SLC4A4: variants seen among roughly 807,000 people sequenced by gnomAD.
SLC4A4 encodes solute carrier family 4 member 4.
In SLC4A4, 27 loss-of-function variants were observed where a neutral mutation model predicts 111.5. That is an observed-to-expected ratio of 0.24 (90% CI 0.18 to 0.33). The LOEUF is 0.33. SLC4A4 is among the 10% of genes least tolerant of loss of function. The pLI is 1.00. For synonymous variants in SLC4A4, 443 were observed against 463.4 expected (o/e 0.96, Z 0.57); for missense variants, 909 against 1,315.5 (o/e 0.69, Z 4.78).
intron 1 of SLC4A4, among the ~76,000 whole-genome samples, chr4:71,220,032 A>G (rs1389802859): frequency 6.6e-6 from 1 of 152,264 alleles, no homozygotes; most frequent in African/African-American, 2.4e-5. Flanking sequence ...AGAATATTAC[A>G]TAAACCTAGT....
At chr4:71,482,841 GA>G (rs1487608832) in intron 14 of SLC4A4, among the ~76,000 whole-genome samples, 3 of 151,558 alleles carry the variant, frequency 2.0e-5, no homozygotes, top group Non-Finnish European at 4.4e-5. Context: ...TTGATGGTTA[GA>G]AATGCTGTGT....
At chr4:71,087,894 G>A (rs1234821832) in intron 1 of SLC4A4, among the ~76,000 whole-genome samples, 5 of 151,978 alleles carry the variant, frequency 3.3e-5, no homozygotes, top group Non-Finnish European at 7.3e-5. Context: ...GATTTGGGGT[G>A]GAGAGTTCTG....
chr4:71,448,086 G>A (rs976406673), intron 9 of SLC4A4, among the ~76,000 whole-genome samples: 23 of 152,116 alleles, frequency 1.5e-4, no homozygotes, highest in Non-Finnish European at 2.9e-5. Context: ...TTGAGAGGTC[G>A]AGGTGGGCAG....
chr4:71,196,849 A>G (rs1412929069), intron 1 of SLC4A4, among the ~76,000 whole-genome samples: 1 of 111,428 alleles, frequency 9.0e-6, no homozygotes, highest in Non-Finnish European at 1.8e-5. Flanking sequence ...AAAAAAAAAA[A>G]AAAAAAAAAA....
chr4:71,388,218 G>A (rs1010119791), intron 6 of SLC4A4, among the ~76,000 whole-genome samples: 4 of 152,048 alleles, frequency 2.6e-5, no homozygotes, highest in Non-Finnish European at 5.9e-5. Flanking sequence ...TTTGGGGAGG[G>A]AATAATATTT....
At chr4:71,311,711 C>G (rs1320473705) in intron 3 of SLC4A4, among the ~76,000 whole-genome samples, 1 of 152,068 alleles carries the variant, frequency 6.6e-6, no homozygotes, top group African/African-American at 2.4e-5. Flanking sequence ...TTATAGCACT[C>G]AATGCCCAAA....
intron 2 of SLC4A4, among the ~76,000 whole-genome samples, chr4:71,131,143 G>A (rs987008612): frequency 2.4e-4 from 36 of 152,160 alleles, no homozygotes; most frequent in Admixed American, 1.3e-3. Flanking sequence ...TAACAACGGC[G>A]GATGGGAGAG....
intron 14 of SLC4A4, among the ~76,000 whole-genome samples, chr4:71,485,228 C>T (rs1250174130): frequency 3.3e-5 from 5 of 151,158 alleles, no homozygotes; most frequent in Admixed American, 2.6e-4. Flanking sequence ...GTTTTCAATG[C>T]TTCCAAGTTT....
intron 3 of SLC4A4, among the ~76,000 whole-genome samples, chr4:71,283,943 C>G (rs894121053): frequency 1.3e-5 from 2 of 152,194 alleles, no homozygotes; most frequent in African/African-American, 4.8e-5. Context: ...GAACAATCAT[C>G]TTACAATTTT....
At chr4:71,396,016 A>G (rs1186954736) in intron 6 of SLC4A4, among the ~76,000 whole-genome samples, 4 of 152,110 alleles carry the variant, frequency 2.6e-5, no homozygotes, top group Admixed American at 2.0e-4. Context: ...ATCATTTTCT[A>G]TTAGTTTCAA....
rs72860048 is a variant in SLC4A4, at chr4:71,157,196, G to A, written c.-2+64404G>A. On this transcript the variant is annotated intron_variant, in intron 2 of 26. Coordinates refer to the SLC4A4 transcript ENST00000649996. ...ATTCTTGAGGCAAAGTTGAGTGTGC[G>A]TCACTATCAAAGAAAAAGGAAATTG... Among the ~76,000 whole-genome samples, 898 of 152,146 alleles carry A rather than the reference G, an allele frequency of 5.9e-3. 10 individuals carry two copies. The highest frequency in any genetic ancestry group is 0.021 in the African/African-American group (856 of 41,512).
intron 2 of SLC4A4, among the ~76,000 whole-genome samples, chr4:71,124,275 G>A (rs1277860496): frequency 3.3e-5 from 5 of 150,402 alleles, no homozygotes; most frequent in South Asian, 2.1e-4. Context: ...TGGTTCAAGC[G>A]ATTCTCCTGC....
chr4:71,494,110 C>T (rs1730188224), intron 15 of SLC4A4, among the ~76,000 whole-genome samples: 1 of 151,936 alleles, frequency 6.6e-6, no homozygotes, highest in African/African-American at 2.4e-5. Context: ...AAGTAGATGT[C>T]TCTAAACTTG....
rs772360411 is a variant in SLC4A4 at position 71,397,588 on chromosome 4, A to G, written c.742A>G (p.Met248Val). The change falls in exon 7 of 26, where the codon ATG becomes GTG. Residue 248 changes from methionine to valine, a missense_variant. Physicochemically the swap from Met to Val is conservative, Grantham distance 21 (BLOSUM62 1). Coordinates refer to ENST00000264485, the MANE Select transcript of SLC4A4 (RefSeq NM_001098484.3). Reference protein sequence around the residue: ...FTNPDNGSPAMTHRNLTSSSL... With the variant: ...FTNPDNGSPAVTHRNLTSSSL... Reference sequence around the variant, plus strand: ...TTGTGTTTTTCCAGGTAGCCCAGCCATGACCCATAGGAATCTGACTTCCTC... The same window carrying G: ...TTGTGTTTTTCCAGGTAGCCCAGCCGTGACCCATAGGAATCTGACTTCCTC... The G allele has an allele frequency of 9.9e-6, 16 of 1,613,890 alleles. No individual in the cohort carries two copies. The highest frequency in any genetic ancestry group is 1.4e-5 in the Non-Finnish European group (16 of 1,179,900).
chr4:71,440,993 T>C (rs1242949766), intron 8 of SLC4A4, among the ~76,000 whole-genome samples: 1 of 152,194 alleles, frequency 6.6e-6, no homozygotes, highest in East Asian at 1.9e-4. Flanking sequence ...GTGTACTAGG[T>C]TCTTCTTTTG....
chr4:71,299,352 G>T (rs1560389660), intron 3 of SLC4A4, among the ~76,000 whole-genome samples: 1 of 152,208 alleles, frequency 6.6e-6, no homozygotes, highest in Non-Finnish European at 1.5e-5. Flanking sequence ...TAATTGAAAA[G>T]ACATTGATTG....
chr4:71,513,200 G>T (rs73826499), intron 16 of SLC4A4, among the ~76,000 whole-genome samples: 1 of 151,814 alleles, frequency 6.6e-6, no homozygotes, highest in Non-Finnish European at 1.5e-5. Context: ...GAAACAGATC[G>T]CATTGAATCT....
At chr4:71,551,871 T>C (rs1736022184) in intron 20 of SLC4A4, among the ~76,000 whole-genome samples, 1 of 151,928 alleles carries the variant, frequency 6.6e-6, no homozygotes, top group Non-Finnish European at 1.5e-5. Flanking sequence ...AGCTTAGATT[T>C]TCAAGATTTA....
chr4:71,438,645 G>A (rs35225581), intron 7 of SLC4A4, among the ~76,000 whole-genome samples: 24,668 of 152,092 alleles, frequency 0.16, 2,192 homozygotes, highest in South Asian at 0.3. Flanking sequence ...GCAATCATTC[G>A]ATAACTAGTA....
Sources: allele counts gnomAD v4.1 joint callset (sites outside exome capture counted in the v4.1 genomes callset), GRCh38; gene constraint gnomAD v4.1.1; transcripts MANE v1.5; gene names NCBI Gene and HGNC (gene_info 2026-07-23, HGNC 2026-07-21).